Variants in SEMA3A observed in about 807,000 individuals in gnomAD.
SEMA3A encodes the protein semaphorin-3A.
In SEMA3A, 29 loss-of-function variants were observed where a neutral mutation model predicts 97.9. That is an observed-to-expected ratio of 0.30 (90% CI 0.22 to 0.40). The LOEUF is 0.40. SEMA3A is among the 10% of genes least tolerant of loss of function. SEMA3A has a pLI of 1.00. For missense variants in SEMA3A, 763 were observed against 951.3 expected (o/e 0.80, Z 2.60); for synonymous variants, 321 against 323.7 (o/e 0.99, Z 0.09).
At chr7:83,972,874 T>C (rs748125894) in intron 15 of SEMA3A, among the ~76,000 whole-genome samples, 1 of 152,140 alleles carries the variant, frequency 6.6e-6, no homozygotes, top group Non-Finnish European at 1.5e-5. Context: ...ATTAGACTTT[T>C]TTCCTCAGCA....
intron 1 of SEMA3A, among the ~76,000 whole-genome samples, chr7:84,187,322 T>C (rs1284803919): frequency 6.6e-6 from 1 of 152,158 alleles, no homozygotes; most frequent in Non-Finnish European, 1.5e-5. Flanking sequence ...ACTACTTGGT[T>C]TTAGAGTAGA....
chr7:84,385,009 C>T (rs1803361839), intron 1 of SEMA3A, among the ~76,000 whole-genome samples: 1 of 151,808 alleles, frequency 6.6e-6, no homozygotes, highest in Non-Finnish European at 1.5e-5. Context: ...TCAGATGTCA[C>T]TACTTTTGAT....
At chr7:84,132,677 T>TTG (rs1796001222) in intron 2 of SEMA3A, among the ~76,000 whole-genome samples, 1 of 133,338 alleles carries the variant, frequency 7.5e-6, no homozygotes, top group Non-Finnish European at 1.6e-5. Flanking sequence ...TTTTTTTTTT[T>TTG]TTTTTTTTTT....
chr7:84,262,451 G>T (rs1053201861), intron 3 of SEMA3A, among the ~76,000 whole-genome samples: 5 of 152,124 alleles, frequency 3.3e-5, no homozygotes, highest in African/African-American at 1.2e-4. Flanking sequence ...CTGACCTCAG[G>T]TGATCTAACC....
chr7:84,425,057 A>T (rs1393983415), intron 1 of SEMA3A, among the ~76,000 whole-genome samples: 1 of 103,888 alleles, frequency 9.6e-6, no homozygotes, highest in Non-Finnish European at 1.7e-5. Context: ...TAATTATATA[A>T]TTATAATTTA....
At chr7:83,982,342 G>A (rs1368883573) in intron 13 of SEMA3A, among the ~76,000 whole-genome samples, 1 of 152,122 alleles carries the variant, frequency 6.6e-6, no homozygotes, top group Non-Finnish European at 1.5e-5. Context: ...GTTATTGAAA[G>A]ACCCAGAATA....
chr7:84,090,576 G>T (rs1794531766), intron 4 of SEMA3A, among the ~76,000 whole-genome samples: 1 of 152,032 alleles, frequency 6.6e-6, no homozygotes, highest in Admixed American at 6.6e-5. Flanking sequence ...ATGTGTGGAA[G>T]AAATGAAAAT....
chr7:84,099,117 C>T (rs1384998180), intron 4 of SEMA3A, among the ~76,000 whole-genome samples: 2 of 48,128 alleles, frequency 4.2e-5, no homozygotes, highest in African/African-American at 8.6e-5. Flanking sequence ...GTCGCCCAGG[C>T]TGGAGTGCAG....
At chr7:83,971,699 A>G (rs969102152) in intron 15 of SEMA3A, among the ~76,000 whole-genome samples, 1 of 152,200 alleles carries the variant, frequency 6.6e-6, no homozygotes, top group Non-Finnish European at 1.5e-5. Flanking sequence ...ATGTGTGCTT[A>G]ACCCATTTAC....
intron 15 of SEMA3A, among the ~76,000 whole-genome samples, chr7:83,972,611 C>T (rs905078930): frequency 1.8e-4 from 28 of 151,948 alleles, no homozygotes; most frequent in Non-Finnish European, 4.0e-4. Context: ...AAGCAGAAAC[C>T]TTCCATAAAC....
intron 3 of SEMA3A, among the ~76,000 whole-genome samples, chr7:84,215,977 C>T (rs1468429747): frequency 1.3e-4 from 17 of 131,596 alleles, no homozygotes. Context: ...AACTGTTAAA[C>T]ATTATTATTC....
intron 3 of SEMA3A, among the ~76,000 whole-genome samples, chr7:84,111,754 C>G (rs1418748770): frequency 6.6e-6 from 1 of 152,144 alleles, no homozygotes; most frequent in Non-Finnish European, 1.5e-5. Context: ...TTTTGCTACA[C>G]AGATCCTAAG....
At chr7:84,350,951 A>G (rs1802423500) in intron 2 of SEMA3A, among the ~76,000 whole-genome samples, 1 of 152,062 alleles carries the variant, frequency 6.6e-6, no homozygotes. Flanking sequence ...TGAGTTGTGT[A>G]TATTTTGTGA....
At chr7:84,426,827 T>G (rs1384680481) in intron 1 of SEMA3A, among the ~76,000 whole-genome samples, 2 of 152,178 alleles carry the variant, frequency 1.3e-5, no homozygotes, top group African/African-American at 4.8e-5. Flanking sequence ...TAATCAGACT[T>G]ATAAATTTTT....
intron 1 of SEMA3A, among the ~76,000 whole-genome samples, chr7:84,183,002 C>T (rs1179270274): frequency 6.6e-6 from 1 of 152,118 alleles, no homozygotes; most frequent in Non-Finnish European, 1.5e-5. Context: ...AGAGAATACA[C>T]ACAAGTAAAC....
At position 84,235,305 on chromosome 7, in the gene SEMA3A, T is replaced by C. The variant is rs187165447; in HGVS notation, c.-82-40637A>G. ...GAGTGAAATGAAAGATAAACTGGTA[T>C]GATGCATATGATTATATACATGACT... On this transcript the variant is annotated intron_variant, in intron 3 of 3. Coordinates refer to the SEMA3A transcript ENST00000424555. Among the ~76,000 whole-genome samples, 55 of 152,172 alleles carry C rather than the reference T, an allele frequency of 3.6e-4. 1 individual carries two copies. In the East Asian group the frequency reaches 9.8e-3, roughly 27 times the overall value.
intron 12 of SEMA3A, among the ~76,000 whole-genome samples, chr7:83,991,103 T>G (rs1789905783): frequency 6.7e-6 from 1 of 150,144 alleles, no homozygotes; most frequent in African/African-American, 2.4e-5. Flanking sequence ...AGTTCACTCA[T>G]GATTTGGCTC....
chr7:84,438,046 T>C (rs1018270511), intron 1 of SEMA3A, among the ~76,000 whole-genome samples: 1 of 152,026 alleles, frequency 6.6e-6, no homozygotes, highest in Non-Finnish European at 1.5e-5. Flanking sequence ...AGAAAAGAGC[T>C]AGAGAAAAAT....
At chr7:84,343,316 G>A (rs1447125387) in intron 2 of SEMA3A, among the ~76,000 whole-genome samples, 1 of 152,140 alleles carries the variant, frequency 6.6e-6, no homozygotes, top group Non-Finnish European at 1.5e-5. Flanking sequence ...ACTTTGTCCT[G>A]TTGGCAACTG....
Sources: gnomAD v4.1 joint callset for allele counts (sites outside exome capture counted in the v4.1 genomes callset) on GRCh38, gnomAD v4.1.1 for gene constraint, MANE v1.5 for transcripts, NCBI Gene and HGNC (gene_info 2026-07-23, HGNC 2026-07-21) for gene names.